DMD: variants seen among roughly 807,000 people sequenced by gnomAD.
DMD encodes the protein mutant dystrophin.
A neutral mutation model predicts 330.1 loss-of-function variants in DMD; 63 were observed. The observed-to-expected ratio is 0.19, with a 90% CI of 0.16 to 0.24. The LOEUF (loss-of-function observed/expected upper bound fraction) is 0.24, where lower values mean the gene tolerates loss of function less well. Among genes scored for constraint, DMD ranks in the 10% least tolerant of loss-of-function variants. DMD has a pLI of 1.00. For synonymous variants in DMD, 1,223 were observed against 959.8 expected (o/e 1.27, Z -5.07); for missense variants, 3,344 against 2,684.1 (o/e 1.25, Z -5.43).
chrX:33,069,614 C>T (rs1220000066), intron 1 of DMD, among the ~76,000 whole-genome samples: 2 of 111,684 alleles, frequency 1.8e-5, no homozygotes, highest in Non-Finnish European at 3.8e-5. Context: ...CAACAGCATT[C>T]CTTGATTTTG....
intron 19 of DMD, among the ~76,000 whole-genome samples, chrX:32,496,617 GACA>G (rs1377423899): frequency 1.8e-5 from 2 of 112,167 alleles, no homozygotes; most frequent in Non-Finnish European, 3.8e-5. Context: ...CAACAACAGT[GACA>G]ACAACAGTCT....
intron 4 of DMD, among the ~76,000 whole-genome samples, chrX:32,844,283 G>A (rs1249357842): frequency 9.1e-6 from 1 of 109,460 alleles, no homozygotes; most frequent in Non-Finnish European, 1.9e-5. Flanking sequence ...GCATGTGCCT[G>A]TAATCCCAGC....
At chrX:31,854,199 A>C (rs2093577395) in intron 48 of DMD, among the ~76,000 whole-genome samples, 1 of 112,185 alleles carries the variant, frequency 8.9e-6, no homozygotes, top group Non-Finnish European at 1.9e-5. Context: ...CAATTATAAG[A>C]CTCACATTTT....
intron 51 of DMD, among the ~76,000 whole-genome samples, chrX:31,760,160 C>T (rs961651981): frequency 4.5e-5 from 5 of 112,145 alleles, no homozygotes; most frequent in African/African-American, 1.6e-4. Context: ...CATGTATGAA[C>T]ACCTGATGAA....
rs181425159 is a variant in DMD, at chrX:32,851,500, C to A, written c.94-1680G>T. Among the ~76,000 whole-genome samples, 559 of 112,244 alleles carry A rather than the reference C, an allele frequency of 5.0e-3. 7 individuals carry two copies. Among genetic ancestry groups the A allele is most frequent in the African/African-American group, 0.017 (540 of 30,923 alleles). On this transcript the variant is annotated intron_variant, in intron 2 of 78. Transcript: ENST00000357033. ...GAACAAGACGGTCAAATACATGGAA[C>A]CTTCCAGCAATCATCTTTCCCGCTA... is the stretch of plus-strand genomic sequence containing the variant.
intron 59 of DMD, among the ~76,000 whole-genome samples, chrX:31,461,920 G>A (rs954574220): frequency 1.8e-5 from 2 of 111,186 alleles, no homozygotes; most frequent in African/African-American, 6.5e-5. Flanking sequence ...CTCTGCTTAT[G>A]GGAGCCCCCT....
rs755468455 is a variant in DMD at position 31,750,538 on chromosome X, G to C, written c.7543-20790C>G. ...TTGGTACCAGTACCATGCTGTTTTGGTTACTGTAGCCTTGTACTATAGAAG... is the reference window on the plus strand; with the variant it reads ...TTGGTACCAGTACCATGCTGTTTTGCTTACTGTAGCCTTGTACTATAGAAG... On this transcript the variant is annotated intron_variant, in intron 51 of 78. Transcript: ENST00000357033. Among the ~76,000 whole-genome samples, 433 of 111,121 alleles carry C rather than the reference G, an allele frequency of 3.9e-3. 2 individuals carry two copies. Among genetic ancestry groups the C allele is most frequent in the Non-Finnish European group, 5.9e-3 (314 of 53,044 alleles).
At chrX:32,643,900 T>A (rs2059627065) in intron 11 of DMD, among the ~76,000 whole-genome samples, 2 of 111,985 alleles carry the variant, frequency 1.8e-5, no homozygotes, top group South Asian at 7.3e-4. Context: ...TGGCAAATCT[T>A]AAAACATAGT....
At position 32,259,642 on chromosome X, in the gene DMD, A is replaced by G. The variant is rs777606595; in HGVS notation, c.6290+27887T>C. On this transcript the variant is annotated intron_variant, in intron 43 of 78. Transcript: ENST00000357033. ...TGCTATCTGCATGAATGACTATTCA[A>G]TACATTTTTATTGAACATCCATCGA... 5.4e-5 allele frequency among the ~76,000 whole-genome samples: 6 copies of G among 111,706 alleles called. No individual in the cohort carries two copies. In the South Asian group the frequency reaches 2.2e-3, roughly 42 times the overall value.
chrX:32,788,941 G>A (rs764525967), intron 7 of DMD, among the ~76,000 whole-genome samples: 7 of 111,716 alleles, frequency 6.3e-5, no homozygotes, highest in Non-Finnish European at 1.1e-4. Flanking sequence ...GCAGAACACA[G>A]TGATGTCAAT....
intron 64 of DMD, among the ~76,000 whole-genome samples, chrX:31,218,644 C>T (rs1403700710): frequency 1.8e-5 from 2 of 111,641 alleles, no homozygotes; most frequent in Non-Finnish European, 3.8e-5. Context: ...ATGCTGTGTG[C>T]CAGGTTTTGT....
chrX:31,884,678 A>G (rs1323180163), intron 47 of DMD, among the ~76,000 whole-genome samples: 2 of 112,062 alleles, frequency 1.8e-5, no homozygotes, highest in East Asian at 5.6e-4. Flanking sequence ...AAGGTAATGA[A>G]TATGTTCTAT....
chrX:32,253,985 T>C (rs1200908690), intron 43 of DMD, among the ~76,000 whole-genome samples: 5 of 111,302 alleles, frequency 4.5e-5, no homozygotes, highest in African/African-American at 1.3e-4. Context: ...TCATCTTCTT[T>C]TTCCTCTATG....
In DMD at chrX:32,345,360, G is replaced by A. The variant is rs757358729; in HGVS notation, c.5586+583C>T. Among the ~76,000 whole-genome samples the A allele has an allele frequency of 5.4e-5, 6 of 111,613 alleles. No homozygotes were observed. The South Asian group carries it at 2.2e-3, about 41-fold the overall frequency. ...GGGACTTGAAGCCATACACTACACT[G>A]CTTAATATGAAAGTAGCAGTTCTTA... On this transcript the variant is annotated intron_variant, in intron 39 of 78. Transcript: ENST00000357033.
intron 2 of DMD, among the ~76,000 whole-genome samples, chrX:33,012,225 A>G (rs1408071595): frequency 9.0e-6 from 1 of 111,579 alleles, no homozygotes; most frequent in Non-Finnish European, 1.9e-5. Context: ...TTTCAGGAAA[A>G]CATTCAAGGG....
intron 41 of DMD, among the ~76,000 whole-genome samples, chrX:32,318,949 T>A (rs1021624279): frequency 9.0e-6 from 1 of 110,965 alleles, no homozygotes; most frequent in African/African-American, 3.3e-5. Context: ...CTCATTGACC[T>A]GCCTCATGTG....
chrX:32,668,777 G>T (rs945674382), intron 9 of DMD, among the ~76,000 whole-genome samples: 1 of 109,988 alleles, frequency 9.1e-6, no homozygotes, highest in African/African-American at 3.3e-5. Flanking sequence ...TTTAATGAAG[G>T]GAGGAAAATA....
chrX:32,823,248 AC>A (rs1047673919), intron 5 of DMD, 46 bp downstream of exon 5: 1 of 1,057,834 alleles, frequency 9.5e-7, no homozygotes, highest in African/African-American at 1.8e-5. Flanking sequence ...AAATTAAAAA[AC>A]AAGATTAATG....
chrX:31,381,021 A>G (rs2060152563), intron 60 of DMD, among the ~76,000 whole-genome samples: 2 of 111,285 alleles, frequency 1.8e-5, no homozygotes, highest in Non-Finnish European at 1.9e-5. Flanking sequence ...GAAAACAACA[A>G]GTTTTTTCCT....
Sources: allele counts gnomAD v4.1 joint callset (sites outside exome capture counted in the v4.1 genomes callset), GRCh38; gene constraint gnomAD v4.1.1; transcripts MANE v1.5; gene names NCBI Gene and HGNC (gene_info 2026-07-23, HGNC 2026-07-21).